GPC6: variants seen among roughly 807,000 people sequenced by gnomAD.
GPC6 encodes the protein glypican-6.
In GPC6, 14 loss-of-function variants were observed where a neutral mutation model predicts 55.2. The ratio of observed to expected loss-of-function variants is 0.25; its 90% CI spans 0.17 to 0.40. The LOEUF is 0.40. Among genes scored for constraint, GPC6 ranks in the 10% least tolerant of loss-of-function variants. GPC6 has a pLI of 1.00. For synonymous variants in GPC6, 278 were observed against 259.6 expected (o/e 1.07, Z -0.68); for missense variants, 641 against 708.5 (o/e 0.90, Z 1.08).
chr13:93,760,731 A>T (rs1278889990), intron 2 of GPC6, among the ~76,000 whole-genome samples: 1 of 152,226 alleles, frequency 6.6e-6, no homozygotes, highest in Non-Finnish European at 1.5e-5. Context: ...TTTCTCCTGC[A>T]TTCACCTAAA....
chr13:93,409,201 G>C (rs1473379460), intron 1 of GPC6, among the ~76,000 whole-genome samples: 1 of 151,398 alleles, frequency 6.6e-6, no homozygotes, highest in Admixed American at 6.6e-5. Flanking sequence ...GCCATTTGCG[G>C]TATATAGTTG....
chr13:93,873,671 G>GA (rs1889199593), intron 3 of GPC6, among the ~76,000 whole-genome samples: 1 of 151,742 alleles, frequency 6.6e-6, no homozygotes, highest in East Asian at 2.0e-4. Context: ...AGCTTGAGAT[G>GA]AAAAAAATCT....
chr13:93,839,127 C>T (rs915073083), intron 3 of GPC6, among the ~76,000 whole-genome samples: 1 of 151,996 alleles, frequency 6.6e-6, no homozygotes, highest in South Asian at 2.1e-4. Flanking sequence ...GAAAACAGAC[C>T]TTAGGATGTG....
At chr13:94,151,108 C>T (rs1243908539) in intron 4 of GPC6, among the ~76,000 whole-genome samples, 1 of 151,810 alleles carries the variant, frequency 6.6e-6, no homozygotes, top group Non-Finnish European at 1.5e-5. Flanking sequence ...AGTCAGACAC[C>T]AAGATAAAGA....
intron 1 of GPC6, among the ~76,000 whole-genome samples, chr13:93,357,344 C>T (rs779078082): frequency 6.6e-6 from 1 of 151,862 alleles, no homozygotes; most frequent in African/African-American, 2.4e-5. Context: ...TATATTTTTC[C>T]CCTTTTCATT....
intron 6 of GPC6, among the ~76,000 whole-genome samples, chr13:94,335,764 T>TATC (rs921294655): frequency 1.3e-5 from 2 of 152,220 alleles, no homozygotes; most frequent in African/African-American, 4.8e-5. Flanking sequence ...GGGAATCAAC[T>TATC]ATCTTATAGA....
At chr13:93,263,093 A>G (rs909797752) in intron 1 of GPC6, among the ~76,000 whole-genome samples, 1 of 152,160 alleles carries the variant, frequency 6.6e-6, no homozygotes, top group African/African-American at 2.4e-5. Flanking sequence ...TACAACAAAT[A>G]TGGGTGTTCT....
At chr13:93,656,966 G>T (rs1594347533) in intron 2 of GPC6, among the ~76,000 whole-genome samples, 3 of 152,018 alleles carry the variant, frequency 2.0e-5, no homozygotes, top group Middle Eastern at 6.8e-3. Context: ...TGACATAAAT[G>T]GTAAAACATT....
chr13:93,362,740 C>A (rs1316650794), intron 1 of GPC6, among the ~76,000 whole-genome samples: 2 of 151,938 alleles, frequency 1.3e-5, no homozygotes, highest in Non-Finnish European at 2.9e-5. Flanking sequence ...AAGTCATTTT[C>A]TGATGTTCTA....
At chr13:93,540,578 A>G (rs918013763) in intron 1 of GPC6, among the ~76,000 whole-genome samples, 6 of 152,132 alleles carry the variant, frequency 3.9e-5, no homozygotes, top group Non-Finnish European at 7.4e-5. Flanking sequence ...ACAATTATAC[A>G]TATTTATGGA....
chr13:93,430,007 A>G (rs1048800607), intron 1 of GPC6, among the ~76,000 whole-genome samples: 9 of 152,146 alleles, frequency 5.9e-5, no homozygotes, highest in Admixed American at 5.2e-4. Context: ...TGGCTTGCCA[A>G]TAAGCATTCT....
chr13:93,684,609 T>G (rs189856211), intron 2 of GPC6, among the ~76,000 whole-genome samples: 164 of 152,318 alleles, frequency 1.1e-3, no homozygotes, highest in African/African-American at 3.7e-3. Context: ...AGGACTGAAG[T>G]TTTTTATAAT....
chr13:94,133,352 T>G (rs572289850), intron 4 of GPC6, among the ~76,000 whole-genome samples: 12 of 147,156 alleles, frequency 8.2e-5, no homozygotes, highest in African/African-American at 2.8e-4. Context: ...TCTTAAAATA[T>G]AAGATGTGAA....
At chr13:93,635,308 G>C (rs1288795916) in intron 2 of GPC6, among the ~76,000 whole-genome samples, 4 of 151,932 alleles carry the variant, frequency 2.6e-5, no homozygotes, top group Non-Finnish European at 5.9e-5. Context: ...TTGTAACGTG[G>C]ACACATTATA....
At position 93,825,453 on chromosome 13, in the gene GPC6, C is replaced by T. The variant is rs145701161; in HGVS notation, c.320-4701C>T. Among the ~76,000 whole-genome samples, 603 of 152,324 alleles carry T rather than the reference C, an allele frequency of 4.0e-3. 1 individual carries two copies. The highest frequency in any genetic ancestry group is 7.1e-3 in the Non-Finnish European group (482 of 68,030). ...CACCGCCTCATGTGGCAAGGACAGA[C>T]GTCCTGAGCAATGTCCATCTTTACT... On this transcript the variant is annotated intron_variant, in intron 2 of 8. Transcript: ENST00000377047.
intron 4 of GPC6, among the ~76,000 whole-genome samples, chr13:94,056,545 G>A (rs546718844): frequency 8.5e-5 from 13 of 152,304 alleles, no homozygotes; most frequent in African/African-American, 2.9e-4. Flanking sequence ...AGTCAACTCC[G>A]AGCCTCTGGG....
intron 3 of GPC6, among the ~76,000 whole-genome samples, chr13:93,871,518 C>A (rs1889132210): frequency 6.6e-6 from 1 of 151,862 alleles, no homozygotes; most frequent in African/African-American, 2.4e-5. Context: ...TGCATGACAC[C>A]AGACTAAACG....
intron 2 of GPC6, among the ~76,000 whole-genome samples, chr13:93,664,968 A>C (rs1005452004): frequency 6.6e-6 from 1 of 152,188 alleles, no homozygotes; most frequent in African/African-American, 2.4e-5. Flanking sequence ...TCAGTGTTGA[A>C]AAAATGTGAA....
rs201761005 is a variant in GPC6 at position 93,830,447 on chromosome 13, C to G, written c.613C>G (p.Arg205Gly). 5 of 1,613,516 alleles carry G rather than the reference C, an allele frequency of 3.1e-6. No individual in the cohort carries two copies. Among genetic ancestry groups the G allele is most frequent in the Middle Eastern group, 3.3e-4 (2 of 6,084 alleles). ...DQLKPFGDVP[R>G]KLKIQVTRAF... ...GCTCAAGCCATTTGGAGACGTGCCC[C>G]GGAAACTGAAGATTCAGGTTACCCG... The change falls in exon 3 of 9, where the codon CGG becomes GGG. Residue 205 changes from arginine to glycine, a missense_variant. Arg to Gly is a moderately radical substitution (Grantham distance 125). Transcript: ENST00000377047.
Sources: allele counts gnomAD v4.1 joint callset (sites outside exome capture counted in the v4.1 genomes callset), GRCh38; gene constraint gnomAD v4.1.1; transcripts MANE v1.5; gene names NCBI Gene and HGNC (gene_info 2026-07-23, HGNC 2026-07-21).